Variants in SGMS1 observed in about 807,000 individuals in gnomAD.
SGMS1 encodes the protein sphingomyelin synthase 1.
Under a neutral mutation model 46.2 loss-of-function variants are expected in SGMS1, and 13 were observed. That is an observed-to-expected ratio of 0.28 (90% CI 0.18 to 0.45). The LOEUF is 0.45. Ranked by LOEUF, SGMS1 falls within the 20% of genes least tolerant of loss-of-function variation. The pLI, the probability that SGMS1 is intolerant of heterozygous loss-of-function variation, is 1.00. For missense variants in SGMS1, 324 were observed against 519.9 expected (o/e 0.62, Z 3.66); for synonymous variants, 203 against 187.8 (o/e 1.08, Z -0.66).
chr10:50,416,838 A>AT (rs1491324161), intron 6 of SGMS1, among the ~76,000 whole-genome samples: 1 of 4,996 alleles, frequency 2.0e-4, no homozygotes, highest in Non-Finnish European at 9.8e-4. Flanking sequence ...TTATAGAACT[A>AT]AAAAAAAAAA....
intron 7 of SGMS1, among the ~76,000 whole-genome samples, chr10:50,330,233 C>T (rs1220199440): frequency 1.3e-5 from 2 of 152,060 alleles, no homozygotes; most frequent in Non-Finnish European, 2.9e-5. Flanking sequence ...GCAGGTGGAT[C>T]ACTTGAGCCC....
intron 2 of SGMS1, among the ~76,000 whole-genome samples, chr10:50,544,272 A>G (rs568790679): frequency 6.6e-6 from 1 of 152,336 alleles, no homozygotes; most frequent in East Asian, 1.9e-4. Context: ...ACTGAAGCCC[A>G]GAAAGGTAAA....
chr10:50,624,582 G>GCCGCC (rs944124791), upstream of SGMS1: 26 of 985,050 alleles, frequency 2.6e-5, no homozygotes, highest in African/African-American at 1.9e-4. Flanking sequence ...CTGCGTCAGA[G>GCCGCC]CCGCCCCGCC....
chr10:50,509,619 G>A lies in SGMS1; in HGVS notation c.-498+10212C>T, dbSNP rs115926189. On this transcript the variant is annotated intron_variant, in intron 3 of 10. Transcript: ENST00000361781. ...TATACTAAACACTATCTCCACTAAC[G>A]CTAGAATCAGCAGCTTTTGTTTTAA... Among the ~76,000 whole-genome samples, 1,083 of 152,258 alleles carry A rather than the reference G, an allele frequency of 7.1e-3. 11 individuals carry two copies. Among genetic ancestry groups the A allele is most frequent in the African/African-American group, 0.025 (1,022 of 41,552 alleles).
At chr10:50,460,485 C>A (rs1479810614) in intron 5 of SGMS1, among the ~76,000 whole-genome samples, 188 bp downstream of exon 5, 1 of 152,186 alleles carries the variant, frequency 6.6e-6, no homozygotes, top group Non-Finnish European at 1.5e-5. Context: ...CAAAGAGTGA[C>A]GAGTGATATC....
intron 2 of SGMS1, among the ~76,000 whole-genome samples, chr10:50,520,457 T>G (rs935133879): frequency 6.6e-5 from 10 of 152,156 alleles, no homozygotes; most frequent in Admixed American, 2.0e-4. Flanking sequence ...TACAAAGAGC[T>G]TTCACATGCA....
At chr10:50,603,323 C>T (rs1278739701) in intron 1 of SGMS1, among the ~76,000 whole-genome samples, 2 of 152,224 alleles carry the variant, frequency 1.3e-5, no homozygotes, top group Non-Finnish European at 2.9e-5. Context: ...CTGCGCACCA[C>T]CAGGGCTGAA....
intron 5 of SGMS1, among the ~76,000 whole-genome samples, chr10:50,445,339 C>A (rs1836997572): frequency 6.6e-6 from 1 of 152,098 alleles, no homozygotes; most frequent in Admixed American, 6.6e-5. Context: ...TATACACTTA[C>A]CCAATAATAT....
At chr10:50,410,228 A>G (rs1160120788) in intron 6 of SGMS1, among the ~76,000 whole-genome samples, 3 of 152,196 alleles carry the variant, frequency 2.0e-5, no homozygotes, top group Admixed American at 6.5e-5. Flanking sequence ...AAAAAAGATA[A>G]TAATATTATG....
chr10:50,616,643 T>C (rs998976640), intron 1 of SGMS1, among the ~76,000 whole-genome samples: 2 of 152,164 alleles, frequency 1.3e-5, no homozygotes, highest in African/African-American at 4.8e-5. Flanking sequence ...TTCACCAATG[T>C]CATTACAGGC....
At chr10:50,391,991 C>T (rs10733968) in intron 6 of SGMS1, among the ~76,000 whole-genome samples, 55,189 of 151,478 alleles carry the variant, frequency 0.36, 10,149 homozygotes, top group Admixed American at 0.41. Context: ...TGAGTACACA[C>T]GGACAGAAAG....
chr10:50,356,575 T>C (rs1848152478), intron 6 of SGMS1, among the ~76,000 whole-genome samples: 3 of 150,912 alleles, frequency 2.0e-5, no homozygotes, highest in Admixed American at 6.6e-5. Context: ...ACTAAAAAAA[T>C]TAAAAAAAAA....
chr10:50,450,754 T>A (rs1428075497), intron 5 of SGMS1, among the ~76,000 whole-genome samples: 4 of 152,028 alleles, frequency 2.6e-5, no homozygotes, highest in African/African-American at 9.6e-5. Context: ...CTTATCCACA[T>A]CAAGAAAGCT....
intron 3 of SGMS1, among the ~76,000 whole-genome samples, chr10:50,467,240 C>T (rs1172522249): frequency 6.6e-6 from 1 of 152,058 alleles, no homozygotes; most frequent in Non-Finnish European, 1.5e-5. Context: ...TATCTCCTCT[C>T]AATTTAGGTA....
chr10:50,619,167 G>A (rs2131944450), intron 1 of SGMS1, among the ~76,000 whole-genome samples: 1 of 152,168 alleles, frequency 6.6e-6, no homozygotes, highest in East Asian at 1.9e-4. Flanking sequence ...AATGCATACA[G>A]GATGTTTGCT....
At chr10:50,567,366 T>A (rs1838298054) in intron 2 of SGMS1, among the ~76,000 whole-genome samples, 1 of 152,228 alleles carries the variant, frequency 6.6e-6, no homozygotes, top group African/African-American at 2.4e-5. Flanking sequence ...GCTGACCGTA[T>A]ATTCTAGTGG....
chr10:50,327,376 A>G lies in SGMS1; in HGVS notation c.624-54T>C. The G allele has an allele frequency of 4.0e-6, 4 of 1,006,000 alleles. 1 individual carries two copies. The South Asian group carries it at 5.7e-5, about 14-fold the overall frequency. The allele number at this position is 1,006,000 out of a possible 1,614,324, so 62.3% of individuals were successfully genotyped here. ...CTCAGTCAAGAAATTCTGTAGGTTC[A>G]TTTACTGTAATTTTTCAATGACTCA... On this transcript the variant is annotated intron_variant, in intron 7 of 10. Coordinates refer to ENST00000361781, the MANE Select transcript of SGMS1 (RefSeq NM_147156.4).
chr10:50,542,656 C>CAT (rs1160329804), intron 2 of SGMS1, among the ~76,000 whole-genome samples: 1 of 148,782 alleles, frequency 6.7e-6, no homozygotes, highest in African/African-American at 2.5e-5. Flanking sequence ...TGCACACACA[C>CAT]ACATATACAG....
intron 2 of SGMS1, among the ~76,000 whole-genome samples, chr10:50,531,185 CTGAT>C (rs960194651): frequency 6.6e-6 from 1 of 152,324 alleles, no homozygotes; most frequent in Non-Finnish European, 1.5e-5. Flanking sequence ...GTGCCACCAC[CTGAT>C]TGATCTGAAG....
Sources: allele counts gnomAD v4.1 joint callset (sites outside exome capture counted in the v4.1 genomes callset), GRCh38; gene constraint gnomAD v4.1.1; transcripts MANE v1.5; gene names NCBI Gene and HGNC (gene_info 2026-07-23, HGNC 2026-07-21).